The following ARID2 variants were observed in gnomAD, a reference collection of about 807,000 sequenced individuals.
ARID2 encodes AT-rich interactive domain-containing protein 2.
ARID2 carries 32 observed loss-of-function variants against 184.6 expected under a neutral mutation model. The observed-to-expected ratio is 0.17, with a 90% CI of 0.13 to 0.23. The LOEUF (loss-of-function observed/expected upper bound fraction) is 0.23. Ranked by LOEUF, ARID2 falls within the 10% of genes least tolerant of loss-of-function variation. The pLI is 1.00. For missense variants in ARID2, 1,696 were observed against 2,197.6 expected (o/e 0.77, Z 4.56); for synonymous variants, 836 against 772.6 (o/e 1.08, Z -1.36).
Position 45,851,356 on chromosome 12 carries a change from T to C in ARID2, c.3233T>C (p.Ile1078Thr), listed in dbSNP as rs778115237. The stretch of plus-strand genomic sequence containing the variant: ...CCTTCAACACCAGGTGGTAAGCTTA[T>C]TCTCCCAGCTCCACAGATTCCTCCC... ...RGPSTPGGKL[I>T]LPAPQIPPPN... Residue 1078 changes from isoleucine to threonine, a missense_variant, in exon 15 of 21, where the codon ATT becomes ACT. Around this residue, in one of 11 missense-constraint regions of ARID2, gnomAD observed 713 missense variants for 824.4 expected, o/e 0.86. Transcript: ENST00000334344. 6.2e-7 allele frequency: 1 copy of C among 1,614,136 alleles called. No individual in the cohort carries two copies. The highest frequency in any genetic ancestry group is 1.1e-5 in the South Asian group (1 of 91,086).
At chr12:45,777,490 T>C (rs905234919) in intron 3 of ARID2, among the ~76,000 whole-genome samples, 1 of 152,010 alleles carries the variant, frequency 6.6e-6, no homozygotes, top group Non-Finnish European at 1.5e-5. Flanking sequence ...AGCTTGCAAA[T>C]CTTTGGGCCT....
At chr12:45,888,949 A>G (rs1323794567) in intron 16 of ARID2, among the ~76,000 whole-genome samples, 6 of 152,232 alleles carry the variant, frequency 3.9e-5, no homozygotes, top group African/African-American at 1.4e-4. Flanking sequence ...GCACTTTGGG[A>G]GGCCAAGGCA....
chr12:45,846,078 T>A (rs941087431), intron 11 of ARID2: 2 of 152,174 alleles, frequency 1.3e-5, no homozygotes, highest in Admixed American at 6.6e-5. Context: ...AATAGGTGAT[T>A]TACTCATTTA....
intron 3 of ARID2, among the ~76,000 whole-genome samples, chr12:45,734,476 T>C (rs1941069817): frequency 6.6e-6 from 1 of 152,144 alleles, no homozygotes; most frequent in Non-Finnish European, 1.5e-5. Context: ...CATGTACATC[T>C]CAATGTGTTC....
intron 20 of ARID2, among the ~76,000 whole-genome samples, chr12:45,899,667 ATGGTTATATATGGTTATATATAT>A (rs1944424150): frequency 3.8e-5 from 1 of 26,614 alleles, no homozygotes; most frequent in Non-Finnish European, 8.8e-5. Flanking sequence ...ATATATATAT[ATGGTTATATATGGTTATATATAT>A]ATGGTTATAT....
Position 45,836,985 on chromosome 12 carries a change from A to T in ARID2, c.1017A>T (p.Ala339=), listed in dbSNP as rs141513852. 1 of 1,613,312 alleles carries T rather than the reference A, an allele frequency of 6.2e-7. No homozygotes were observed. Among genetic ancestry groups the T allele is most frequent in the Non-Finnish European group, 8.5e-7 (1 of 1,179,928 alleles). The change falls in exon 8 of 21, where the codon GCA becomes GCT. Residue 339 remains alanine, a synonymous_variant. Coordinates refer to ENST00000334344, the MANE Select transcript of ARID2 (RefSeq NM_152641.4). ...QLGLDTLGNI[A]AELLLDPVDF... The stretch of plus-strand genomic sequence containing the variant: ...GCCTTGACACATTAGGAAATATTGC[A>T]GCTGAGGTAAGCATGTGACTGTACC...
intron 6 of ARID2, among the ~76,000 whole-genome samples, chr12:45,830,746 A>C (rs1943103081): frequency 1.3e-5 from 2 of 152,136 alleles, no homozygotes; most frequent in African/African-American, 4.8e-5. Context: ...CACTAATCAC[A>C]TGAAATCAAG....
At chr12:45,775,283 T>A (rs2138030101) in intron 3 of ARID2, among the ~76,000 whole-genome samples, 1 of 152,304 alleles carries the variant, frequency 6.6e-6, no homozygotes, top group African/African-American at 2.4e-5. Context: ...AGAGAAAACC[T>A]AGAACTATTT....
At chr12:45,760,946 G>A (rs967884655) in intron 3 of ARID2, among the ~76,000 whole-genome samples, 2 of 152,012 alleles carry the variant, frequency 1.3e-5, no homozygotes, top group Admixed American at 6.6e-5. Flanking sequence ...ACTGGAGCCC[G>A]AATCTCCTGG....
chr12:45,767,022 A>G (rs1941784935), intron 3 of ARID2, among the ~76,000 whole-genome samples: 1 of 152,118 alleles, frequency 6.6e-6, no homozygotes, highest in African/African-American at 2.4e-5. Flanking sequence ...CTCACCAGCA[A>G]TGTTTGAAAG....
chr12:45,849,737 G>T lies in ARID2; in HGVS notation c.1873G>T (p.Asp625Tyr), dbSNP rs1278391538. ...AGTTTCTACTTCTGTTGTTCGTGTTGATTCTGTTCCTGATGTATCTCCTGC... is the reference window on the plus strand; with the variant it reads ...AGTTTCTACTTCTGTTGTTCGTGTTTATTCTGTTCCTGATGTATCTCCTGC... ...QPVSTSVVRV[D>Y]SVPDVSPAPS... The change falls in exon 14 of 21, where the codon GAT becomes TAT. Residue 625 changes from aspartate (D) to tyrosine (Y), a missense_variant. Physicochemically the swap from Asp to Tyr is radical, Grantham distance 160 (BLOSUM62 -3). This residue lies in a region of ARID2 where 713 missense variants were observed against 824.4 expected (regional missense o/e 0.86). Coordinates refer to ENST00000334344, the MANE Select transcript of ARID2 (RefSeq NM_152641.4). 1.2e-6 allele frequency: 2 copies of T among 1,613,448 alleles called. No homozygotes were observed. The highest frequency in any genetic ancestry group is 1.3e-5 in the African/African-American group (1 of 74,874).
intron 6 of ARID2, among the ~76,000 whole-genome samples, chr12:45,823,145 T>C (rs1322022421): frequency 6.6e-6 from 1 of 152,056 alleles, no homozygotes; most frequent in Non-Finnish European, 1.5e-5. Flanking sequence ...GGAATAAAAG[T>C]AGAAATCAAT....
chr12:45,892,983 A>G (rs1176985294), intron 18 of ARID2, among the ~76,000 whole-genome samples: 2 of 152,224 alleles, frequency 1.3e-5, no homozygotes, highest in African/African-American at 4.8e-5. Flanking sequence ...CAGTGTCAGT[A>G]CATTCTTAGG....
chr12:45,812,865 A>G (rs183731022), intron 4 of ARID2, among the ~76,000 whole-genome samples: 98 of 152,348 alleles, frequency 6.4e-4, no homozygotes, highest in African/African-American at 2.2e-3. Context: ...TAATCCTTGT[A>G]ACTTAAACAG....
chr12:45,870,147 T>G (rs1943899733), intron 16 of ARID2, among the ~76,000 whole-genome samples: 1 of 151,740 alleles, frequency 6.6e-6, no homozygotes, highest in Non-Finnish European at 1.5e-5. Context: ...CACCATGCCC[T>G]GCTAACTTTT....
chr12:45,761,389 C>A (rs961396673), intron 3 of ARID2, among the ~76,000 whole-genome samples: 1 of 151,900 alleles, frequency 6.6e-6, no homozygotes, highest in Non-Finnish European at 1.5e-5. Flanking sequence ...TTCAAATGTT[C>A]TTTGAAAGAA....
At chr12:45,756,603 T>C (rs1052309299) in intron 3 of ARID2, among the ~76,000 whole-genome samples, 1 of 152,220 alleles carries the variant, frequency 6.6e-6, no homozygotes, top group Non-Finnish European at 1.5e-5. Flanking sequence ...ATCCAGCATT[T>C]AGAATGAAGT....
intron 20 of ARID2, among the ~76,000 whole-genome samples, chr12:45,896,850 C>CT (rs1328588881): frequency 2.6e-5 from 4 of 152,066 alleles, no homozygotes; most frequent in African/African-American, 7.2e-5. Context: ...GGATGTTTTT[C>CT]TTTTCATTTT....
chr12:45,869,433 C>G (rs1943884140), intron 16 of ARID2, among the ~76,000 whole-genome samples: 1 of 151,440 alleles, frequency 6.6e-6, no homozygotes, highest in African/African-American at 2.4e-5. Context: ...TCCAATAGAG[C>G]TTCTTGACTT....
Sources: allele counts gnomAD v4.1 joint callset (sites outside exome capture counted in the v4.1 genomes callset), GRCh38; gene constraint gnomAD v4.1.1; regional missense constraint gnomAD v4.1.1; transcripts MANE v1.5; gene names NCBI Gene and HGNC (gene_info 2026-07-23, HGNC 2026-07-21).